NUDT4: variants seen among roughly 807,000 people sequenced by gnomAD.
NUDT4 encodes the protein nudix hydrolase 4.
Under a neutral mutation model 23.1 loss-of-function variants are expected in NUDT4, and 5 were observed. That is an observed-to-expected ratio of 0.22 (90% CI 0.11 to 0.46). The LOEUF (loss-of-function observed/expected upper bound fraction) is 0.46. Among genes scored for constraint, NUDT4 ranks in the 20% least tolerant of loss-of-function variants. NUDT4 has a pLI of 0.99. For synonymous variants in NUDT4, 50 were observed against 79.0 expected, an observed-to-expected ratio of 0.63 and a Z score of 1.95; for missense variants, 96 against 211.6, an observed-to-expected ratio of 0.45 and a Z score of 3.39.
At position 93,404,504 on chromosome 12, in the gene NUDT4, A is replaced by G. The variant is rs1430483082; in HGVS notation, c.*5125A>G. On this transcript the variant is annotated 3_prime_UTR_variant, in exon 5 of 5. Coordinates refer to ENST00000415493, the MANE Select transcript of NUDT4 (RefSeq NM_019094.6). Reference sequence around the variant, plus strand: ...TAGTCAACAAATGGACAAGTTGCACAACCAAGCTATGGTCAAATATGTGTG... The same window carrying G: ...TAGTCAACAAATGGACAAGTTGCACGACCAAGCTATGGTCAAATATGTGTG... 6.6e-6 allele frequency: 1 copy of G among 152,232 alleles called. No homozygotes were observed. Among genetic ancestry groups the G allele is most frequent in the Admixed American group, 6.5e-5 (1 of 15,284 alleles). 9.4% of individuals were successfully genotyped at this position (152,232 alleles called of 1,614,324 possible). A position where few individuals can be genotyped will look rare whatever the true frequency, so the allele number is the denominator to read the frequency against.
chr12:93,384,948 G>T (rs958490969), intron 1 of NUDT4, among the ~76,000 whole-genome samples: 1 of 152,026 alleles, frequency 6.6e-6, no homozygotes, highest in Non-Finnish European at 1.5e-5. Context: ...GTTGAATTTT[G>T]TATTTAAATT....
At chr12:93,384,184 CTT>C (rs796263343) in intron 1 of NUDT4, among the ~76,000 whole-genome samples, 1 of 146,190 alleles carries the variant, frequency 6.8e-6, no homozygotes. Flanking sequence ...GGTGCCCAAG[CTT>C]TTTTTTTTTT....
chr12:93,394,948 A>G (rs953133559), intron 2 of NUDT4, among the ~76,000 whole-genome samples: 3 of 151,960 alleles, frequency 2.0e-5, no homozygotes, highest in African/African-American at 7.3e-5. Flanking sequence ...TCCCAGGTTC[A>G]AGTGATTCTC....
At position 93,403,651 on chromosome 12, in the gene NUDT4, T is replaced by A. The variant is rs1877627689; in HGVS notation, c.*4272T>A. On this transcript the variant is annotated 3_prime_UTR_variant, in exon 5 of 5. Coordinates refer to ENST00000415493, the MANE Select transcript of NUDT4 (RefSeq NM_019094.6). The stretch of plus-strand genomic sequence containing the variant: ...GTGTTTTTACATCCTTCAGTATTTT[T>A]CAAGGTTTTACAGCTTTTTTATCTA... 1 of 152,318 alleles carries A rather than the reference T, an allele frequency of 6.6e-6. No individual in the cohort carries two copies. Among genetic ancestry groups the A allele is most frequent in the Admixed American group, 6.5e-5 (1 of 15,298 alleles). The allele number at this position is 152,318 out of a possible 1,614,324, so 9.4% of individuals were successfully genotyped here. A position where few individuals can be genotyped will look rare whatever the true frequency, so the allele number is the denominator to read the frequency against.
intron 2 of NUDT4, among the ~76,000 whole-genome samples, 171 bp from the exon 3 acceptor site, chr12:93,395,318 T>C (rs1356081980): frequency 6.6e-6 from 1 of 152,176 alleles, no homozygotes; most frequent in Non-Finnish European, 1.5e-5. Context: ...TCCTTGCCGC[T>C]GATGAAGTAA....
intron 1 of NUDT4, among the ~76,000 whole-genome samples, chr12:93,389,333 G>A (rs1369821764): frequency 6.6e-6 from 1 of 152,082 alleles, no homozygotes; most frequent in East Asian, 1.9e-4. Flanking sequence ...TTAGCTGGGC[G>A]TGGTGGCGCA....
rs137856696 is a variant in NUDT4 at position 93,402,490 on chromosome 12, G to A, written c.*3111G>A. 1 of 152,200 alleles carries A rather than the reference G, an allele frequency of 6.6e-6. No individual in the cohort carries two copies. The highest frequency in any genetic ancestry group is 1.9e-4 in the East Asian group (1 of 5,190). The allele number at this position is 152,200 out of a possible 1,614,324, so 9.4% of individuals were successfully genotyped here. A position where few individuals can be genotyped will look rare whatever the true frequency, so the allele number is the denominator to read the frequency against. On this transcript the variant is annotated 3_prime_UTR_variant, in exon 5 of 5. Coordinates refer to ENST00000415493, the MANE Select transcript of NUDT4 (RefSeq NM_019094.6). ...TTCCCCCTCCAAGTGAAAGCCTGTC[G>A]GGAATTCCACAGTAACACCTTTACT...
chr12:93,398,940 A>T (rs1381730012), intron 4 of NUDT4, 85 bp downstream of exon 4: 6 of 1,002,978 alleles, frequency 6.0e-6, no homozygotes, highest in Non-Finnish European at 9.1e-6. Flanking sequence ...CCCTTTTGTT[A>T]TCTGAATACT....
chr12:93,395,527 A>T lies in NUDT4; in HGVS notation c.249A>T (p.Ile83=). 6.2e-7 allele frequency: 1 copy of T among 1,607,358 alleles called. No individual in the cohort carries two copies. Among genetic ancestry groups the T allele is most frequent in the South Asian group, 1.1e-5 (1 of 90,892 alleles). Residue 83 remains isoleucine (I), a synonymous_variant, in exon 3 of 5, where the codon ATA becomes ATT. Transcript: ENST00000415493. The part of the protein sequence containing the change: ...VKGKLGRLLG[I]FENQDRKHRT... The stretch of plus-strand genomic sequence containing the variant: ...GAAAACTAGGCAGACTTCTGGGCAT[A>T]TTTGAGGTGAGTTAAAAAGTAATCT...
At chr12:93,398,535 C>T (rs1156850223) in intron 3 of NUDT4, among the ~76,000 whole-genome samples, 1 of 152,000 alleles carries the variant, frequency 6.6e-6, no homozygotes, top group African/African-American at 2.4e-5. Context: ...GTATTGAGAG[C>T]CAATTTCACC....
intron 1 of NUDT4, among the ~76,000 whole-genome samples, chr12:93,393,790 A>G (rs1412275831): frequency 6.6e-6 from 1 of 152,174 alleles, no homozygotes; most frequent in Admixed American, 6.5e-5. Context: ...ACCTAATCAT[A>G]ACAGTAACAA....
intron 1 of NUDT4, among the ~76,000 whole-genome samples, chr12:93,387,379 A>G (rs1185421313): frequency 6.6e-6 from 1 of 152,200 alleles, no homozygotes; most frequent in Non-Finnish European, 1.5e-5. Flanking sequence ...AAAAGCTGTA[A>G]TTCTTGAGTT....
At chr12:93,395,754 C>G (rs1454396642) in intron 3 of NUDT4, among the ~76,000 whole-genome samples, 2 of 152,178 alleles carry the variant, frequency 1.3e-5, no homozygotes, top group Non-Finnish European at 2.9e-5. Flanking sequence ...CAGAGTCTCG[C>G]TCTGTCGCCA....
Position 93,378,262 on chromosome 12 carries a change from G to A in NUDT4, c.-61G>A. ...CGCCCCCACTCCCCGGCGGGGTGGC[G>A]GCGGCCGGGCCCCCACGGCGGCGGC... On this transcript the variant is annotated 5_prime_UTR_variant, in exon 1 of 5. Transcript: ENST00000415493. The A allele has an allele frequency of 1.6e-6, 1 of 626,178 alleles. No homozygotes were observed. The highest frequency in any genetic ancestry group is 3.4e-5 in the South Asian group (1 of 29,100). The allele number at this position is 626,178 out of a possible 1,614,324, so 38.8% of individuals were successfully genotyped here.
Position 93,403,175 on chromosome 12 carries a change from T to G in NUDT4, c.*3796T>G, listed in dbSNP as rs1877595916. 1 of 152,152 alleles carries G rather than the reference T, an allele frequency of 6.6e-6. No individual in the cohort carries two copies. Among genetic ancestry groups the G allele is most frequent in the Admixed American group, 6.6e-5 (1 of 15,262 alleles). The allele number at this position is 152,152 out of a possible 1,614,324, so 9.4% of individuals were successfully genotyped here. On this transcript the variant is annotated 3_prime_UTR_variant, in exon 5 of 5. Coordinates refer to ENST00000415493, the MANE Select transcript of NUDT4 (RefSeq NM_019094.6). ...TGAGCCACCTCGTCTGGCCTGCAGG[T>G]CTTTTTAAGCATTTGCTGTTCAATA...
chr12:93,385,941 T>TATATATATATATATATATATA (rs1565777284), intron 1 of NUDT4, among the ~76,000 whole-genome samples: 5 of 104,608 alleles, frequency 4.8e-5, no homozygotes, highest in East Asian at 3.4e-4. Context: ...GTAAATCTTT[T>TATATATATATATATATATATA]TATATATATA....
intron 1 of NUDT4, among the ~76,000 whole-genome samples, chr12:93,383,300 C>CA (rs1014400351): frequency 1.3e-4 from 20 of 152,128 alleles, no homozygotes; most frequent in Admixed American, 9.2e-4. Context: ...GCCTCTGGTC[C>CA]AAAAAGAAGT....
At chr12:93,396,363 T>C (rs918834057) in intron 3 of NUDT4, among the ~76,000 whole-genome samples, 13 of 152,158 alleles carry the variant, frequency 8.5e-5, no homozygotes, top group African/African-American at 2.9e-4. Flanking sequence ...GGGAGGGAAT[T>C]TGAATGTGAT....
rs1330415110 is a variant in NUDT4, at chr12:93,402,394, G to A, written c.*3015G>A. On this transcript the variant is annotated 3_prime_UTR_variant, in exon 5 of 5. Transcript: ENST00000415493. ...ACTTTGAAATGTATAAACACCCAGCGGAAACGTATACCTTTCAGTGCATAG... is the reference window on the plus strand; with the variant it reads ...ACTTTGAAATGTATAAACACCCAGCAGAAACGTATACCTTTCAGTGCATAG... 5 of 152,074 alleles carry A rather than the reference G, an allele frequency of 3.3e-5. No individual in the cohort carries two copies. Among genetic ancestry groups the A allele is most frequent in the Non-Finnish European group, 5.9e-5 (4 of 68,016 alleles). The allele number at this position is 152,074 out of a possible 1,614,324, so 9.4% of individuals were successfully genotyped here.
Sources: allele counts gnomAD v4.1 joint callset (sites outside exome capture counted in the v4.1 genomes callset), GRCh38; gene constraint gnomAD v4.1.1; transcripts MANE v1.5; gene names NCBI Gene and HGNC (gene_info 2026-07-23, HGNC 2026-07-21).